GPC6: variants seen among roughly 807,000 people sequenced by gnomAD.
The protein encoded by GPC6 is glypican 6, also known as glypican-6.
Under a neutral mutation model 55.2 loss-of-function variants are expected in GPC6, and 14 were observed. The ratio of observed to expected loss-of-function variants is 0.25; its 90% CI spans 0.17 to 0.40. The LOEUF is 0.40. Ranked by LOEUF, GPC6 falls within the 10% of genes least tolerant of loss-of-function variation. The pLI is 1.00. For missense variants in GPC6, 641 were observed against 708.5 expected, an observed-to-expected ratio of 0.90 and a Z score of 1.08; for synonymous variants, 278 against 259.6, an observed-to-expected ratio of 1.07 and a Z score of -0.68.
chr13:93,676,126 A>AATATATATAT (rs764101821), intron 2 of GPC6, among the ~76,000 whole-genome samples: 2 of 15,690 alleles, frequency 1.3e-4, no homozygotes, highest in South Asian at 1.5e-3. Context: ...AAAAAAAAAA[A>AATATATATAT]ATATATATAT....
chr13:93,226,708 C>T (rs1372193042), upstream of GPC6: 2 of 152,090 alleles, frequency 1.3e-5, no homozygotes, highest in Non-Finnish European at 2.9e-5. Context: ...TTTTTTTCCC[C>T]TTTCTACCGA....
rs376958945 is a variant in GPC6, at chr13:94,069,141, G to A, written c.877+41247G>A. ...TTTCCATACATCTTCTGAAATCTAG[G>A]TGGAAGTTCCCAAACCCCCATTATT... On this transcript the variant is annotated intron_variant, in intron 4 of 8. Coordinates refer to ENST00000377047, the MANE Select transcript of GPC6 (RefSeq NM_005708.5). Among the ~76,000 whole-genome samples the A allele has an allele frequency of 3.9e-5, 6 of 152,286 alleles. No individual in the cohort carries two copies. In the South Asian group the frequency reaches 1.0e-3, roughly 26 times the overall value.
intron 2 of GPC6, among the ~76,000 whole-genome samples, chr13:93,823,808 C>T (rs1432423910): frequency 1.3e-5 from 2 of 152,068 alleles, no homozygotes; most frequent in Non-Finnish European, 2.9e-5. Flanking sequence ...TATGAGATCA[C>T]TTTGAAATTA....
intron 1 of GPC6, among the ~76,000 whole-genome samples, chr13:93,342,027 C>T (rs1000415487): frequency 6.6e-6 from 1 of 151,644 alleles, no homozygotes; most frequent in Non-Finnish European, 1.5e-5. Context: ...CAGCACCACA[C>T]CCACCTAATT....
intron 1 of GPC6, among the ~76,000 whole-genome samples, chr13:93,250,726 G>A (rs986100486): frequency 6.6e-6 from 1 of 152,136 alleles, no homozygotes; most frequent in Non-Finnish European, 1.5e-5. Flanking sequence ...AGCCCACCAG[G>A]CAATCTCTTC....
chr13:93,692,644 T>C (rs1310951556), intron 2 of GPC6, among the ~76,000 whole-genome samples: 1 of 152,098 alleles, frequency 6.6e-6, no homozygotes, highest in African/African-American at 2.4e-5. Flanking sequence ...TAGTACTTAT[T>C]TTCTCACTCT....
At chr13:93,355,322 C>T (rs912559251) in intron 1 of GPC6, among the ~76,000 whole-genome samples, 57 of 152,216 alleles carry the variant, frequency 3.7e-4, no homozygotes, top group African/African-American at 1.3e-3. Context: ...AGGGTAAGAG[C>T]ACACATGACA....
chr13:94,065,646 G>A (rs1245448640), intron 4 of GPC6, among the ~76,000 whole-genome samples: 1 of 152,056 alleles, frequency 6.6e-6, no homozygotes, highest in Non-Finnish European at 1.5e-5. Flanking sequence ...TGACTATCTA[G>A]CAAAGGTTAG....
At chr13:94,159,835 C>A (rs1888093015) in intron 4 of GPC6, among the ~76,000 whole-genome samples, 1 of 152,166 alleles carries the variant, frequency 6.6e-6, no homozygotes, top group East Asian at 1.9e-4. Flanking sequence ...TCTTCTCAAG[C>A]AAATCCTGCC....
At chr13:93,761,642 C>A (rs1884958801) in intron 2 of GPC6, among the ~76,000 whole-genome samples, 1 of 152,076 alleles carries the variant, frequency 6.6e-6, no homozygotes, top group Admixed American at 6.6e-5. Flanking sequence ...TCAGCTAGGA[C>A]TACAGGCATG....
intron 5 of GPC6, among the ~76,000 whole-genome samples, chr13:94,305,398 A>G (rs1875888825): frequency 6.6e-6 from 1 of 152,220 alleles, no homozygotes; most frequent in Non-Finnish European, 1.5e-5. Flanking sequence ...AGTTTGTCTA[A>G]CATACATATT....
intron 2 of GPC6, among the ~76,000 whole-genome samples, chr13:93,768,173 G>T (rs2138887897): frequency 6.6e-6 from 1 of 152,296 alleles, no homozygotes; most frequent in Admixed American, 6.5e-5. Context: ...CTCAGGACTT[G>T]CCTGTGCCTG....
intron 4 of GPC6, among the ~76,000 whole-genome samples, chr13:94,064,182 T>C (rs1211754019): frequency 6.6e-6 from 1 of 152,192 alleles, no homozygotes; most frequent in Non-Finnish European, 1.5e-5. Context: ...GAGGAGGTGG[T>C]ACTAAATTAT....
chr13:94,282,418 A>G (rs1892409552), intron 4 of GPC6, among the ~76,000 whole-genome samples: 1 of 152,204 alleles, frequency 6.6e-6, no homozygotes, highest in African/African-American at 2.4e-5. Context: ...TGAGAACAGC[A>G]TGAGAACAGG....
chr13:94,274,955 C>T (rs2139069760), intron 4 of GPC6, among the ~76,000 whole-genome samples: 1 of 152,246 alleles, frequency 6.6e-6, no homozygotes, highest in South Asian at 2.1e-4. Context: ...TAGACCAGTG[C>T]TAATAAAGTT....
chr13:94,154,993 C>G (rs1221490714), intron 4 of GPC6, among the ~76,000 whole-genome samples: 1 of 152,174 alleles, frequency 6.6e-6, no homozygotes, highest in Non-Finnish European at 1.5e-5. Context: ...TCTGCCCTTT[C>G]TTGTCCCTTG....
intron 2 of GPC6, among the ~76,000 whole-genome samples, chr13:93,597,128 C>T (rs866378303): frequency 3.9e-5 from 6 of 152,006 alleles, no homozygotes; most frequent in Admixed American, 6.6e-5. Flanking sequence ...GGAGCCAACC[C>T]GTATTAGAAA....
At chr13:94,245,547 G>A (rs1161175690) in intron 4 of GPC6, among the ~76,000 whole-genome samples, 2 of 151,942 alleles carry the variant, frequency 1.3e-5, no homozygotes, top group African/African-American at 2.4e-5. Flanking sequence ...TCCAGCCTGG[G>A]CAAGAGAGTA....
chr13:93,946,451 GACTT>G (rs1879015379), intron 3 of GPC6, among the ~76,000 whole-genome samples: 2 of 151,994 alleles, frequency 1.3e-5, no homozygotes, highest in African/African-American at 2.4e-5. Flanking sequence ...TTTTTAATAT[GACTT>G]ACTTAATTCA....
Sources: allele counts gnomAD v4.1 joint callset (sites outside exome capture counted in the v4.1 genomes callset), GRCh38; gene constraint gnomAD v4.1.1; transcripts MANE v1.5; gene names NCBI Gene and HGNC (gene_info 2026-07-23, HGNC 2026-07-21).